The following CENPE variants were observed in gnomAD, a reference collection of about 807,000 sequenced individuals.
CENPE encodes the protein centromere protein E.
CENPE carries 145 observed loss-of-function variants against 336.1 expected under a neutral mutation model. The ratio of observed to expected loss-of-function variants is 0.43; its 90% CI spans 0.38 to 0.50. CENPE has a LOEUF of 0.50. Ranked by LOEUF, CENPE falls within the 20% of genes least tolerant of loss-of-function variation. The pLI, the probability that CENPE is intolerant of heterozygous loss-of-function variation, is 0.00. For missense variants in CENPE, 2,719 were observed against 3,023.3 expected (o/e 0.90, Z 2.36); for synonymous variants, 1,013 against 984.8 (o/e 1.03, Z -0.54).
At position 103,176,960 on chromosome 4, in the gene CENPE, T is replaced by A; in HGVS notation, c.1329A>T (p.Pro443=). 1 of 1,602,908 alleles carries A rather than the reference T, an allele frequency of 6.2e-7. No homozygotes were observed. The highest frequency in any genetic ancestry group is 8.5e-7 in the Non-Finnish European group (1 of 1,173,714). ...NSNYADQFNI[P]TNITTKTHKL... ...TATGTGTTTTTGTTGTTATATTTGT[T>A]GGTATATTAAATTGATCTGCATAGT... Residue 443 remains proline (P), a synonymous_variant, in exon 14 of 49, where the codon CCA becomes CCT. Coordinates refer to ENST00000265148, the MANE Select transcript of CENPE (RefSeq NM_001813.3).
chr4:103,177,833 T>C (rs1242608374), intron 13 of CENPE, among the ~76,000 whole-genome samples: 2 of 151,940 alleles, frequency 1.3e-5, no homozygotes, highest in Non-Finnish European at 2.9e-5. Flanking sequence ...AGCCCCATCA[T>C]ATTCAAATCC....
In CENPE at chr4:103,195,307, G is replaced by C. The variant is rs1201134352; in HGVS notation, c.358-74C>G. ...AAAACCTAATGCTAAATGCTCATGT[G>C]CTTAAAGAGGTAAAATGTATGTAAA... On this transcript the variant is annotated intron_variant, in intron 4 of 48. Transcript: ENST00000265148. 16 of 1,296,874 alleles carry C rather than the reference G, an allele frequency of 1.2e-5. No individual in the cohort carries two copies. In the East Asian group the frequency reaches 3.5e-4, roughly 29 times the overall value. 80.3% of individuals were successfully genotyped at this position (1,296,874 alleles called of 1,614,324 possible). A position where few individuals can be genotyped will look rare whatever the true frequency, so the allele number is the denominator to read the frequency against.
At chr4:103,117,650 CAG>C (rs1324247255) in intron 44 of CENPE, among the ~76,000 whole-genome samples, 1 of 107,644 alleles carries the variant, frequency 9.3e-6, no homozygotes, top group South Asian at 3.1e-4. Context: ...TTTTTTAAGA[CAG>C]AGTTTTGCTC....
chr4:103,188,839 T>C (rs530259416), intron 8 of CENPE, among the ~76,000 whole-genome samples: 14 of 152,082 alleles, frequency 9.2e-5, no homozygotes, highest in African/African-American at 3.4e-4. Flanking sequence ...CTTCAAAAAA[T>C]CAATGAATCC....
chr4:103,172,680 C>G (rs1291948363), intron 16 of CENPE, among the ~76,000 whole-genome samples: 2 of 151,808 alleles, frequency 1.3e-5, no homozygotes, highest in African/African-American at 4.8e-5. Flanking sequence ...TGATATGATC[C>G]TATATACAGA....
chr4:103,117,920 G>A (rs975464820), intron 44 of CENPE, among the ~76,000 whole-genome samples: 2 of 152,088 alleles, frequency 1.3e-5, no homozygotes, highest in Admixed American at 6.5e-5. Flanking sequence ...GAGCCACTGC[G>A]CCCAGCCCTC....
At chr4:103,127,773 G>C (rs541525709) in intron 42 of CENPE, among the ~76,000 whole-genome samples, 1 of 152,218 alleles carries the variant, frequency 6.6e-6, no homozygotes, top group South Asian at 2.1e-4. Context: ...AAACAAGATA[G>C]AAGTGTAGTT....
intron 45 of CENPE, among the ~76,000 whole-genome samples, chr4:103,115,090 T>G (rs977473964): frequency 2.6e-5 from 4 of 152,244 alleles, no homozygotes; most frequent in South Asian, 2.1e-4. Context: ...CCTTTCTTAA[T>G]GACTATGAAT....
At chr4:103,174,947 ATTT>A in intron 15 of CENPE, 44 bp from the exon 16 acceptor site, 1 of 1,199,854 alleles carries the variant, frequency 8.3e-7, no homozygotes, top group Non-Finnish European at 1.1e-6. Context: ...AAATTCAAAT[ATTT>A]TTTGTTTCCT....
At chr4:103,138,524 C>G (rs936952672) in intron 38 of CENPE, 75 bp from the exon 39 acceptor site, 6 of 858,966 alleles carry the variant, frequency 7.0e-6, no homozygotes, top group African/African-American at 5.0e-5. Context: ...TCGCACACTT[C>G]TAAATTACAT....
rs558767968 is a variant in CENPE, at chr4:103,161,257, G to A, written c.1966-6C>T. 5.0e-6 allele frequency: 8 copies of A among 1,605,130 alleles called. No individual in the cohort carries two copies. In the South Asian group the frequency reaches 7.8e-5, roughly 16 times the overall value. ...TATGTAGTTGCAAGTTCTTTCTATT[G>A]AGAAAAACATTGCAAATGCACAAAA... is the stretch of plus-strand genomic sequence containing the variant. On this transcript the variant is annotated splice_polypyrimidine_tract_variant and splice_region_variant and intron_variant, in intron 19 of 48. Coordinates refer to ENST00000265148, the MANE Select transcript of CENPE (RefSeq NM_001813.3).
At chr4:103,197,743 A>G (rs1046194849) in intron 1 of CENPE, among the ~76,000 whole-genome samples, 9 of 152,364 alleles carry the variant, frequency 5.9e-5, no homozygotes, top group Non-Finnish European at 8.8e-5. Context: ...GTCTCGTCCC[A>G]TTAGAATGGA....
chr4:103,158,962 ACC>A, intron 22 of CENPE, 46 bp downstream of exon 22: 12 of 1,534,106 alleles, frequency 7.8e-6, no homozygotes, highest in Non-Finnish European at 1.0e-5. Flanking sequence ...AGAAACCAAA[ACC>A]CCAGAAGACT....
intron 29 of CENPE, among the ~76,000 whole-genome samples, chr4:103,147,131 T>C (rs909742185): frequency 6.6e-6 from 1 of 152,214 alleles, no homozygotes; most frequent in Admixed American, 6.5e-5. Flanking sequence ...TTTTTGAATA[T>C]TTAAGAAAAC....
At chr4:103,174,645 A>C in intron 16 of CENPE, 91 bp downstream of exon 16, 1 of 950,288 alleles carries the variant, frequency 1.1e-6, no homozygotes, top group Non-Finnish European at 1.5e-6. Flanking sequence ...TACATTTAAA[A>C]AAAATTAAAA....
intron 42 of CENPE, among the ~76,000 whole-genome samples, chr4:103,130,948 A>C (rs995205884): frequency 6.6e-5 from 10 of 152,040 alleles, no homozygotes. Flanking sequence ...ACTTCAGAAA[A>C]ATTAACTCAA....
chr4:103,192,061 T>C (rs547077002), intron 8 of CENPE, among the ~76,000 whole-genome samples: 1 of 152,068 alleles, frequency 6.6e-6, no homozygotes, highest in Non-Finnish European at 1.5e-5. Flanking sequence ...ATTGTTTTTT[T>C]AATCTCAGAG....
At chr4:103,110,148 A>G (rs138123749) in intron 47 of CENPE, among the ~76,000 whole-genome samples, 3 of 152,320 alleles carry the variant, frequency 2.0e-5, no homozygotes, top group South Asian at 2.1e-4. Context: ...TCACTGAAAT[A>G]AAGTGAATCG....
intron 1 of CENPE, 103 bp from the exon 2 acceptor site, chr4:103,196,953 T>C: frequency 2.9e-6 from 2 of 680,570 alleles, no homozygotes; most frequent in Non-Finnish European, 5.3e-6. Flanking sequence ...TGAAAGATAG[T>C]AACATAAGAG....
Sources: gnomAD v4.1 joint callset for allele counts (sites outside exome capture counted in the v4.1 genomes callset) on GRCh38, gnomAD v4.1.1 for gene constraint, MANE v1.5 for transcripts, NCBI Gene and HGNC (gene_info 2026-07-23, HGNC 2026-07-21) for gene names.